The following CISD1 variants were observed in gnomAD, a reference collection of about 807,000 sequenced individuals.
CISD1 encodes the protein CDGSH iron sulfur domain 1, also known as CDGSH iron-sulfur domain-containing protein 1.
CISD1 carries 8 observed loss-of-function variants against 12.0 expected under a neutral mutation model. The observed-to-expected ratio is 0.67, with a 90% CI of 0.39 to 1.20. CISD1 has a LOEUF of 1.20. Among genes scored for constraint, CISD1 ranks in the 50% most tolerant of loss-of-function variants. The pLI, the probability that CISD1 is intolerant of heterozygous loss-of-function variation, is 0.01. For missense variants in CISD1, 107 were observed against 132.7 expected, an observed-to-expected ratio of 0.81 and a Z score of 0.95; for synonymous variants, 38 against 42.2, an observed-to-expected ratio of 0.90 and a Z score of 0.39.
intron 2 of CISD1, among the ~76,000 whole-genome samples, chr10:58,278,517 C>T (rs549743990): frequency 6.6e-6 from 1 of 151,696 alleles, no homozygotes; most frequent in Admixed American, 6.6e-5. Flanking sequence ...TGCGTTCCAG[C>T]GACAGAATGA....
chr10:58,275,028 A>G (rs1839297051), intron 1 of CISD1, among the ~76,000 whole-genome samples: 3 of 152,216 alleles, frequency 2.0e-5, no homozygotes, highest in African/African-American at 4.8e-5. Flanking sequence ...TGTTTGCAAT[A>G]TGCAGGTGCC....
chr10:58,269,766 T>C (rs1476100059), intron 1 of CISD1, among the ~76,000 whole-genome samples: 4 of 151,248 alleles, frequency 2.6e-5, no homozygotes, highest in Non-Finnish European at 4.4e-5. Flanking sequence ...GTTTTGCAGA[T>C]TTTTTTTTAA....
At chr10:58,285,996 G>C (rs1021484353) in intron 2 of CISD1, among the ~76,000 whole-genome samples, 1 of 152,038 alleles carries the variant, frequency 6.6e-6, no homozygotes. Context: ...ACGAGGTCAG[G>C]AGATCGAGAC....
At chr10:58,275,452 C>T (rs1396304838) in intron 1 of CISD1, among the ~76,000 whole-genome samples, 1 of 152,190 alleles carries the variant, frequency 6.6e-6, no homozygotes, top group Non-Finnish European at 1.5e-5. Flanking sequence ...GATAAATCTA[C>T]ACATAATGTG....
intron 2 of CISD1, among the ~76,000 whole-genome samples, chr10:58,281,807 G>C (rs1839376686): frequency 1.3e-5 from 2 of 152,160 alleles, no homozygotes; most frequent in South Asian, 2.1e-4. Context: ...TTGTGTGTCT[G>C]TAACATCTTG....
chr10:58,284,250 C>G (rs1306021579), intron 2 of CISD1, among the ~76,000 whole-genome samples: 2 of 151,874 alleles, frequency 1.3e-5, no homozygotes, highest in Non-Finnish European at 2.9e-5. Context: ...ATGGAAGGAT[C>G]CCTTGAGCCT....
chr10:58,287,355 C>G (rs917063870), intron 2 of CISD1, among the ~76,000 whole-genome samples: 4 of 152,142 alleles, frequency 2.6e-5, no homozygotes, highest in African/African-American at 9.7e-5. Context: ...CACTGAAATT[C>G]AATAAATGAT....
rs1356363109 is a variant in CISD1, at chr10:58,277,241, C to T, written c.156C>T (p.Asp52=). 1.2e-6 allele frequency: 2 copies of T among 1,613,112 alleles called. No homozygotes were observed. The highest frequency in any genetic ancestry group is 1.1e-5 in the South Asian group (1 of 90,892). The change falls in exon 2 of 3, where the codon GAC becomes GAT. Residue 52 remains aspartate, a synonymous_variant. Coordinates refer to ENST00000333926, the MANE Select transcript of CISD1 (RefSeq NM_018464.5). Reference sequence around the variant, plus strand: ...TGATAAACCTTCACATCCAGAAAGACAACCCCAAGATAGTACATGCTTTTG... The same window carrying T: ...TGATAAACCTTCACATCCAGAAAGATAACCCCAAGATAGTACATGCTTTTG... ...KAMINLHIQK[D]NPKIVHAFDM...
Position 58,269,310 on chromosome 10 carries a change from G to A in CISD1, c.31+6G>A, listed in dbSNP as rs375164960. The A allele has an allele frequency of 2.4e-5, 39 of 1,607,928 alleles. 1 individual carries two copies. The South Asian group carries it at 4.2e-4, about 17-fold the overall frequency. On this transcript the variant is annotated splice_donor_region_variant and intron_variant, in intron 1 of 2. Coordinates refer to ENST00000333926, the MANE Select transcript of CISD1 (RefSeq NM_018464.5). ...TTCCAGTTCCAGCGTACGAGGTGAA[G>A]TGGGGCCTGGGAGCGGGTGAGGCTG... is the stretch of plus-strand genomic sequence containing the variant.
chr10:58,273,763 A>G (rs1208335808), intron 1 of CISD1, among the ~76,000 whole-genome samples: 1 of 152,150 alleles, frequency 6.6e-6, no homozygotes, highest in African/African-American at 2.4e-5. Context: ...GATATAAAGC[A>G]TGATTACACA....
At chr10:58,285,022 G>GT (rs1828582478) in intron 2 of CISD1, among the ~76,000 whole-genome samples, 1 of 152,038 alleles carries the variant, frequency 6.6e-6, no homozygotes, top group African/African-American at 2.4e-5. Flanking sequence ...ATACATTTTA[G>GT]TTTAATTTTT....
intron 1 of CISD1, among the ~76,000 whole-genome samples, chr10:58,270,359 T>C (rs376969503): frequency 3.9e-5 from 6 of 152,248 alleles, no homozygotes; most frequent in African/African-American, 1.4e-4. Flanking sequence ...TTTGCAAAAA[T>C]TATATTAAAG....
chr10:58,271,057 T>TTTTTTTTTTTTTTG (rs75668167), intron 1 of CISD1, among the ~76,000 whole-genome samples: 1 of 149,940 alleles, frequency 6.7e-6, no homozygotes, highest in African/African-American at 2.5e-5. Flanking sequence ...TTTTTTTTTT[T>TTTTTTTTTTTTTTG]GAGGCGGAGT....
At chr10:58,281,254 T>A (rs1839370891) in intron 2 of CISD1, among the ~76,000 whole-genome samples, 1 of 152,232 alleles carries the variant, frequency 6.6e-6, no homozygotes, top group African/African-American at 2.4e-5. Flanking sequence ...CATTTTACAA[T>A]TTAGAGTTTC....
intron 2 of CISD1, among the ~76,000 whole-genome samples, chr10:58,281,054 G>T (rs548724219): frequency 6.6e-6 from 1 of 152,336 alleles, no homozygotes; most frequent in Non-Finnish European, 1.5e-5. Context: ...CTACAGCTTG[G>T]CTTTGAGATC....
At chr10:58,278,993 T>G (rs768292601) in intron 2 of CISD1, among the ~76,000 whole-genome samples, 3 of 152,336 alleles carry the variant, frequency 2.0e-5, no homozygotes, top group East Asian at 3.9e-4. Context: ...TAATGGTATG[T>G]TATGTTTTTT....
At chr10:58,286,303 C>T (rs971158833) in intron 2 of CISD1, among the ~76,000 whole-genome samples, 1 of 151,860 alleles carries the variant, frequency 6.6e-6, no homozygotes, top group Non-Finnish European at 1.5e-5. Context: ...CGTAGTAGGC[C>T]GATCAACGTA....
Position 58,277,295 on chromosome 10 carries a change from G to C in CISD1, c.210G>C (p.Val70=). The C allele has an allele frequency of 6.3e-7, 1 of 1,598,662 alleles. No homozygotes were observed. The highest frequency in any genetic ancestry group is 8.5e-7 in the Non-Finnish European group (1 of 1,173,458). The part of the protein sequence containing the change: ...FDMEDLGDKA[V]YCRCWRSKKF... ...TGGAGGATTTGGGAGATAAAGCTGT[G>C]TACTGCCGTTGTTGGAGGTCCAAAA... Residue 70 remains valine, a synonymous_variant, in exon 2 of 3, where the codon GTG becomes GTC. Coordinates refer to ENST00000333926, the MANE Select transcript of CISD1 (RefSeq NM_018464.5).
At chr10:58,279,881 T>G (rs949967823) in intron 2 of CISD1, among the ~76,000 whole-genome samples, 3 of 152,170 alleles carry the variant, frequency 2.0e-5, no homozygotes, top group African/African-American at 7.2e-5. Flanking sequence ...CCTGTAATGC[T>G]AATACTTTGA....
Sources: gnomAD v4.1 joint callset for allele counts (sites outside exome capture counted in the v4.1 genomes callset) on GRCh38, gnomAD v4.1.1 for gene constraint, MANE v1.5 for transcripts, NCBI Gene and HGNC (gene_info 2026-07-23, HGNC 2026-07-21) for gene names.